HYDIN: variants seen among roughly 807,000 people sequenced by gnomAD.
The protein encoded by HYDIN is axonemal central pair apparatus protein HYDIN.
A neutral mutation model predicts 403.9 loss-of-function variants in HYDIN; 132 were observed. The ratio of observed to expected loss-of-function variants is 0.33; its 90% CI spans 0.28 to 0.38. The LOEUF is 0.38. HYDIN is among the 10% of genes least tolerant of loss of function. The pLI, the probability that HYDIN is intolerant of heterozygous loss-of-function variation, is 1.00. For synonymous variants in HYDIN, 1,202 were observed against 1,891.7 expected (o/e 0.64, Z 9.46); for missense variants, 2,827 against 5,009.5 (o/e 0.56, Z 13.15).
chr16:70,995,537 T>TA lies in HYDIN; in HGVS notation c.3645-3328dup, dbSNP rs1005286338. 1.0e-3 allele frequency among the ~76,000 whole-genome samples: 151 copies of TA among 150,436 alleles called. 2 individuals are homozygous for TA. The highest frequency in any genetic ancestry group is 3.3e-3 in the African/African-American group (136 of 41,058). On this transcript the variant is annotated intron_variant, in intron 23 of 85. Coordinates refer to ENST00000393567, the MANE Select transcript of HYDIN (RefSeq NM_001270974.2). ...ACCACAATCTTTTGTGCTACAAAGT[T>TA]AAAAAAAAAATCCACCATACTTCTT...
intron 23 of HYDIN, among the ~76,000 whole-genome samples, chr16:71,001,697 A>G (rs2144074377): frequency 6.6e-6 from 1 of 150,702 alleles, no homozygotes; most frequent in Non-Finnish European, 1.5e-5. Context: ...GGTGAAAGCA[A>G]CAGCTCAAAG....
At chr16:70,940,062 C>G (rs2143875566) in intron 43 of HYDIN, among the ~76,000 whole-genome samples, 1 of 151,810 alleles carries the variant, frequency 6.6e-6, no homozygotes, top group South Asian at 2.1e-4. Context: ...AAGACTAAGA[C>G]AGTGGTCATT....
chr16:71,199,925 A>G (rs1235957506), intron 1 of HYDIN, among the ~76,000 whole-genome samples: 2 of 152,202 alleles, frequency 1.3e-5, no homozygotes, highest in African/African-American at 4.8e-5. Context: ...GCATTCTCAG[A>G]CAGTTAAGGC....
intron 77 of HYDIN, among the ~76,000 whole-genome samples, chr16:70,836,470 G>A (rs551285903): frequency 6.6e-6 from 1 of 152,230 alleles, no homozygotes; most frequent in Non-Finnish European, 1.5e-5. Context: ...CTTGAAGAGG[G>A]CAAGAAAGAA....
intron 8 of HYDIN, chr16:71,132,463 G>A (rs1388722492): frequency 8.8e-5 from 3 of 34,052 alleles, no homozygotes; most frequent in Non-Finnish European, 5.8e-5. Flanking sequence ...ACTTCTCTCT[G>A]TCTCTCCCCC....
chr16:70,989,224 C>A (rs2079268345), intron 25 of HYDIN, among the ~76,000 whole-genome samples: 1 of 152,102 alleles, frequency 6.6e-6, no homozygotes, highest in South Asian at 2.1e-4. Flanking sequence ...CACCACCACA[C>A]CCTGGAGTCT....
intron 48 of HYDIN, 49 bp from the exon 49 acceptor site, chr16:70,908,483 C>A: frequency 8.1e-7 from 1 of 1,230,496 alleles, no homozygotes; most frequent in Non-Finnish European, 1.1e-6. Context: ...CCCCTCTGGC[C>A]AAGAGAAGAC....
chr16:71,224,223 T>G (rs183437997), intron 1 of HYDIN, among the ~76,000 whole-genome samples: 2 of 152,136 alleles, frequency 1.3e-5, no homozygotes, highest in South Asian at 4.1e-4. Context: ...CGTTCTCCCT[T>G]ATAAGTGGGA....
intron 23 of HYDIN, among the ~76,000 whole-genome samples, chr16:71,002,489 T>C (rs1424553755): frequency 4.0e-5 from 6 of 151,072 alleles, no homozygotes; most frequent in Non-Finnish European, 7.4e-5. Flanking sequence ...GAGTTTGAGG[T>C]TGCAGTGGGC....
intron 1 of HYDIN, among the ~76,000 whole-genome samples, chr16:71,199,387 G>A (rs186002112): frequency 1.6e-4 from 24 of 152,266 alleles, no homozygotes; most frequent in Admixed American, 1.4e-3. Flanking sequence ...GGTTCACTAG[G>A]CTCCCTCTAT....
chr16:71,077,669 G>GT (rs1177602837), intron 13 of HYDIN, among the ~76,000 whole-genome samples: 23 of 150,036 alleles, frequency 1.5e-4, no homozygotes, highest in African/African-American at 2.7e-4. Context: ...TTTGTTTTTT[G>GT]TTTTTTTTGT....
chr16:70,830,837 C>T (rs2143503231), intron 80 of HYDIN, among the ~76,000 whole-genome samples: 1 of 152,244 alleles, frequency 6.6e-6, no homozygotes, highest in East Asian at 1.9e-4. Flanking sequence ...AGGTTTCATA[C>T]ATGTTAAATT....
intron 66 of HYDIN, among the ~76,000 whole-genome samples, chr16:70,866,693 G>A (rs370548340): frequency 6.7e-6 from 1 of 150,362 alleles, no homozygotes; most frequent in African/African-American, 2.5e-5. Flanking sequence ...TAAAAGAAGG[G>A]ATTAATAAAC....
At chr16:71,145,285 T>A (rs1310790701) in intron 7 of HYDIN, among the ~76,000 whole-genome samples, 1 of 151,844 alleles carries the variant, frequency 6.6e-6, no homozygotes, top group African/African-American at 2.4e-5. Flanking sequence ...AGATGGAGTC[T>A]AGCTCTGTCG....
At chr16:71,008,882 TTA>T (rs2079980034) in intron 23 of HYDIN, among the ~76,000 whole-genome samples, 1 of 104,412 alleles carries the variant, frequency 9.6e-6, no homozygotes, top group African/African-American at 3.8e-5. Flanking sequence ...AATTTCACAA[TTA>T]GATGTCCATC....
chr16:71,216,895 C>T (rs7198679), intron 1 of HYDIN, among the ~76,000 whole-genome samples: 30 of 152,272 alleles, frequency 2.0e-4, no homozygotes, highest in African/African-American at 6.7e-4. Context: ...GGCATTTGCC[C>T]TGTGCTTCCC....
intron 4 of HYDIN, among the ~76,000 whole-genome samples, chr16:71,176,910 G>A (rs2086691082): frequency 6.6e-6 from 1 of 152,156 alleles, no homozygotes; most frequent in Admixed American, 6.5e-5. Flanking sequence ...AATAAAAGGT[G>A]AAAGCATTTC....
intron 8 of HYDIN, 144 bp downstream of exon 8, chr16:71,137,007 C>T: frequency 1.7e-6 from 1 of 591,824 alleles, no homozygotes; most frequent in South Asian, 1.9e-5. Context: ...AAAAGAGGAT[C>T]TTAAACCAGA....
At chr16:71,056,127 GTTTT>G (rs57845299) in intron 18 of HYDIN, among the ~76,000 whole-genome samples, 1 of 106,264 alleles carries the variant, frequency 9.4e-6, no homozygotes, top group South Asian at 3.3e-4. Flanking sequence ...TCTGAGATTT[GTTTT>G]TTTTTTTTTT....
Sources: gnomAD v4.1 joint callset for allele counts (sites outside exome capture counted in the v4.1 genomes callset) on GRCh38, gnomAD v4.1.1 for gene constraint, MANE v1.5 for transcripts, NCBI Gene and HGNC (gene_info 2026-07-23, HGNC 2026-07-21) for gene names.